LYPD1: variants seen among roughly 807,000 people sequenced by gnomAD.
LYPD1 encodes the protein ly6/PLAUR domain-containing protein 1.
A neutral mutation model predicts 14.2 loss-of-function variants in LYPD1; 14 were observed. That is an observed-to-expected ratio of 0.99 (90% CI 0.65 to 1.54). The LOEUF (loss-of-function observed/expected upper bound fraction) is 1.54, where lower values mean the gene tolerates loss of function less well. Among genes scored for constraint, LYPD1 ranks in the 40% most tolerant of loss-of-function variants. The pLI is 0.00. For synonymous variants in LYPD1, 85 were observed against 70.6 expected (o/e 1.20, Z -1.02); for missense variants, 165 against 175.7 (o/e 0.94, Z 0.34).
intron 2 of LYPD1, among the ~76,000 whole-genome samples, chr2:132,652,630 A>G (rs1437857818): frequency 6.6e-6 from 1 of 152,162 alleles, no homozygotes; most frequent in African/African-American, 2.4e-5. Flanking sequence ...AGGCACAGAG[A>G]TGTGTCCTGC....
In LYPD1 at chr2:132,645,012, C is replaced by CTAAA; in HGVS notation, c.*1029_*1032dup. On this transcript the variant is annotated 3_prime_UTR_variant, in exon 3 of 3. Transcript: ENST00000397463. ...GGCCAGTAAGCACAGAACAGAGGGG[C>CTAAA]TAAATATTTTATGGTTTTATTCATT... 1 of 1,446,152 alleles carries CTAAA rather than the reference C, an allele frequency of 6.9e-7. No individual in the cohort carries two copies. The highest frequency in any genetic ancestry group is 2.3e-5 in the East Asian group (1 of 43,524). The allele number at this position is 1,446,152 out of a possible 1,614,324, so 89.6% of individuals were successfully genotyped here.
chr2:132,668,626 G>C lies in LYPD1; in HGVS notation c.53-89C>G, dbSNP rs2104930301. 2.6e-6 allele frequency: 4 copies of C among 1,528,944 alleles called. No homozygotes were observed. In the East Asian group the frequency reaches 9.7e-5, roughly 37 times the overall value. The allele number at this position is 1,528,944 out of a possible 1,614,324, so 94.7% of individuals were successfully genotyped here. A position where few individuals can be genotyped will look rare whatever the true frequency, so the allele number is the denominator to read the frequency against. On this transcript the variant is annotated intron_variant, in intron 1 of 2. Transcript: ENST00000397463. ...CCATCCCACGCCTCAGAGCCAGGCG[G>C]CTCCCAGCCTCTGGCAGGCTTAGAC...
chr2:132,660,481 GA>G (rs576122957), intron 2 of LYPD1: 1 of 152,208 alleles, frequency 6.6e-6, no homozygotes, highest in Non-Finnish European at 1.5e-5. Flanking sequence ...TCTGGCCTGT[GA>G]AAAGAGTTTC....
At position 132,669,374 on chromosome 2, in the gene LYPD1, C is replaced by A. The variant is rs1203502820; in HGVS notation, c.52+507G>T. Among the ~76,000 whole-genome samples, 3 of 152,114 alleles carry A rather than the reference C, an allele frequency of 2.0e-5. No homozygotes were observed. The highest frequency in any genetic ancestry group is 6.5e-5 in the Admixed American group (1 of 15,280). On this transcript the variant is annotated intron_variant, in intron 1 of 2. Transcript: ENST00000397463. The surrounding 1 kb of genome is among the most constrained non-coding windows in gnomAD (Gnocchi z 4.3). ...CTCTGGACGCTTCGGCCTGGCTGTT[C>A]TCGGTGTACGCGCTCCTGTCTAGAC... is the stretch of plus-strand genomic sequence containing the variant.
chr2:132,644,990 C>T lies in LYPD1; in HGVS notation c.*1055G>A. The T allele has an allele frequency of 1.6e-6, 2 of 1,245,768 alleles. No individual in the cohort carries two copies. Among genetic ancestry groups the T allele is most frequent in the Non-Finnish European group, 2.2e-6 (2 of 907,696 alleles). 77.2% of individuals were successfully genotyped at this position (1,245,768 alleles called of 1,614,324 possible). A position where few individuals can be genotyped will look rare whatever the true frequency, so the allele number is the denominator to read the frequency against. On this transcript the variant is annotated 3_prime_UTR_variant, in exon 3 of 3. Transcript: ENST00000397463. ...TGAAAAATTGGTACCATTTCCTGGCCAGTAAGCACAGAACAGAGGGGCTAA... is the reference window on the plus strand; with the variant it reads ...TGAAAAATTGGTACCATTTCCTGGCTAGTAAGCACAGAACAGAGGGGCTAA...
In LYPD1 at chr2:132,670,155, C is replaced by G. The variant is rs1683595780; in HGVS notation, c.-223G>C. On this transcript the variant is annotated 5_prime_UTR_variant, in exon 1 of 3. Transcript: ENST00000397463. This position sits in a 1 kb window ranked among gnomAD's most constrained non-coding sequence, Gnocchi z 4.5. Reference sequence around the variant, plus strand: ...TGCGGGTCTCTGCTCCTCCCGCTCGCGCTCCCGGGCCGAGCACCGCGCCTC... The same window carrying G: ...TGCGGGTCTCTGCTCCTCCCGCTCGGGCTCCCGGGCCGAGCACCGCGCCTC... The G allele has an allele frequency of 7.4e-7, 1 of 1,355,020 alleles. No homozygotes were observed. Among genetic ancestry groups the G allele is most frequent in the Non-Finnish European group, 9.4e-7 (1 of 1,058,586 alleles). 83.9% of individuals were successfully genotyped at this position (1,355,020 alleles called of 1,614,324 possible).
Position 132,670,068 on chromosome 2 carries a change from A to G in LYPD1, c.-136T>C. Reference sequence around the variant, plus strand: ...CTGCTGCCGCGGAGACGACGGTCGTAGCTTAGAGGAGCCGCAGGTGCCGCT... The same window carrying G: ...CTGCTGCCGCGGAGACGACGGTCGTGGCTTAGAGGAGCCGCAGGTGCCGCT... On this transcript the variant is annotated 5_prime_UTR_variant, in exon 1 of 3. Coordinates refer to ENST00000397463, the MANE Select transcript of LYPD1 (RefSeq NM_144586.7). This position sits in a 1 kb window ranked among gnomAD's most constrained non-coding sequence, Gnocchi z 4.5. The G allele has an allele frequency of 6.7e-7, 1 of 1,501,506 alleles. No individual in the cohort carries two copies. Among genetic ancestry groups the G allele is most frequent in the Non-Finnish European group, 8.8e-7 (1 of 1,133,788 alleles). 93.0% of individuals were successfully genotyped at this position (1,501,506 alleles called of 1,614,324 possible).
chr2:132,661,108 TG>T (rs1682908419), intron 2 of LYPD1, among the ~76,000 whole-genome samples: 1 of 152,102 alleles, frequency 6.6e-6, no homozygotes, highest in Admixed American at 6.6e-5. Flanking sequence ...CTTAGAGGTG[TG>T]GGATTCTTGA....
intron 2 of LYPD1, among the ~76,000 whole-genome samples, chr2:132,650,982 T>C (rs2104901444): frequency 6.6e-6 from 1 of 152,284 alleles, no homozygotes; most frequent in Middle Eastern, 3.4e-3. Context: ...ACCATTATAC[T>C]ACACTGCCTG....
chr2:132,655,721 A>G (rs890752099), intron 2 of LYPD1, among the ~76,000 whole-genome samples: 2 of 151,842 alleles, frequency 1.3e-5, no homozygotes, highest in East Asian at 3.9e-4. Context: ...TCATCGTGTT[A>G]GCCAGGATGG....
intron 2 of LYPD1, among the ~76,000 whole-genome samples, chr2:132,658,228 TG>T (rs1682717529): frequency 1.3e-5 from 2 of 152,204 alleles, no homozygotes; most frequent in Non-Finnish European, 2.9e-5. Context: ...ATGACATCAC[TG>T]GGCTGTAGGA....
chr2:132,668,599 G>A, intron 1 of LYPD1, 62 bp from the exon 2 acceptor site: 3 of 1,588,718 alleles, frequency 1.9e-6, no homozygotes, highest in Non-Finnish European at 2.6e-6. Flanking sequence ...CGGAAATCAC[G>A]ACCATCCCAC....
intron 2 of LYPD1, among the ~76,000 whole-genome samples, chr2:132,658,596 A>T (rs765443057): frequency 3.3e-5 from 5 of 152,234 alleles, no homozygotes; most frequent in Non-Finnish European, 7.3e-5. Flanking sequence ...AATTAGTTGA[A>T]TTCTTAGAGC....
intron 2 of LYPD1, among the ~76,000 whole-genome samples, chr2:132,650,594 T>A (rs1682321565): frequency 6.6e-6 from 1 of 152,056 alleles, no homozygotes; most frequent in Admixed American, 6.5e-5. Flanking sequence ...ATTTCCAGTG[T>A]CTTATCTGCA....
chr2:132,656,551 G>A (rs1327795358), intron 2 of LYPD1, among the ~76,000 whole-genome samples: 1 of 152,170 alleles, frequency 6.6e-6, no homozygotes. Flanking sequence ...AGAACACTGT[G>A]TGAGGAATTT....
In LYPD1 at chr2:132,643,855, G is replaced by T. The variant is rs1681923147; in HGVS notation, c.*2190C>A. Reference sequence around the variant, plus strand: ...AATAGAATATTTACCATGGGTCATAGGCAGGAAGCATTCATTGCCAACTGT... The same window carrying T: ...AATAGAATATTTACCATGGGTCATATGCAGGAAGCATTCATTGCCAACTGT... On this transcript the variant is annotated 3_prime_UTR_variant, in exon 3 of 3. Transcript: ENST00000397463. Among the ~76,000 whole-genome samples, 4 of 152,326 alleles carry T rather than the reference G, an allele frequency of 2.6e-5. No individual in the cohort carries two copies. The South Asian group carries it at 8.3e-4, about 32-fold the overall frequency.
chr2:132,645,971 T>C lies in LYPD1; in HGVS notation c.*74A>G. 6 of 1,137,500 alleles carry C rather than the reference T, an allele frequency of 5.3e-6. No homozygotes were observed. Among genetic ancestry groups the C allele is most frequent in the Non-Finnish European group, 7.4e-6 (6 of 810,310 alleles). 70.5% of individuals were successfully genotyped at this position (1,137,500 alleles called of 1,614,324 possible). A position where few individuals can be genotyped will look rare whatever the true frequency, so the allele number is the denominator to read the frequency against. On this transcript the variant is annotated 3_prime_UTR_variant, in exon 3 of 3. Coordinates refer to ENST00000397463, the MANE Select transcript of LYPD1 (RefSeq NM_144586.7). ...GAATAAAAGGACACCCAGAAGAAAC[T>C]CACTCAGGGAGGTGGGGGGTTGGGG...
In LYPD1 at chr2:132,645,818, A is replaced by AC; in HGVS notation, c.*226dup. 1 of 694,462 alleles carries AC rather than the reference A, an allele frequency of 1.4e-6. No individual in the cohort carries two copies. Among genetic ancestry groups the AC allele is most frequent in the Non-Finnish European group, 2.3e-6 (1 of 429,240 alleles). 43.0% of individuals were successfully genotyped at this position (694,462 alleles called of 1,614,324 possible). A position where few individuals can be genotyped will look rare whatever the true frequency, so the allele number is the denominator to read the frequency against. On this transcript the variant is annotated 3_prime_UTR_variant, in exon 3 of 3. Coordinates refer to ENST00000397463, the MANE Select transcript of LYPD1 (RefSeq NM_144586.7). ...TACACAGACATGGGGGTGAACTTTCACTCCACCTCCTTCCTTCAAGTACAT... is the reference window on the plus strand; with the variant it reads ...TACACAGACATGGGGGTGAACTTTCACCTCCACCTCCTTCCTTCAAGTACAT...
At position 132,644,793 on chromosome 2, in the gene LYPD1, C is replaced by T. The variant is rs924181147; in HGVS notation, c.*1252G>A. The T allele has an allele frequency of 5.9e-5, 19 of 322,672 alleles. No individual in the cohort carries two copies. Among genetic ancestry groups the T allele is most frequent in the Middle Eastern group, 8.5e-4 (1 of 1,182 alleles). 20.0% of individuals were successfully genotyped at this position (322,672 alleles called of 1,614,324 possible). ...GATAACATGAACTGCTTTCTGGATACGCAAACAAACACCAATGAAAACATT... is the reference window on the plus strand; with the variant it reads ...GATAACATGAACTGCTTTCTGGATATGCAAACAAACACCAATGAAAACATT... On this transcript the variant is annotated 3_prime_UTR_variant, in exon 3 of 3. Transcript: ENST00000397463.
Sources: gnomAD v4.1 joint callset for allele counts (sites outside exome capture counted in the v4.1 genomes callset) on GRCh38, gnomAD v4.1.1 for gene constraint, Gnocchi (gnomAD v3.1) non-coding constraint, MANE v1.5 for transcripts, NCBI Gene and HGNC (gene_info 2026-07-23, HGNC 2026-07-21) for gene names.